ETV6: variants seen among roughly 807,000 people sequenced by gnomAD.
ETV6 encodes the protein ETS variant transcription factor 6.
ETV6 carries 16 observed loss-of-function variants against 51.1 expected under a neutral mutation model. That is an observed-to-expected ratio of 0.31 (90% CI 0.21 to 0.48). The LOEUF is 0.48. ETV6 is among the 20% of genes least tolerant of loss of function. The pLI is 0.99. For synonymous variants in ETV6, 240 were observed against 224.1 expected (o/e 1.07, Z -0.64); for missense variants, 458 against 594.8 (o/e 0.77, Z 2.39).
At chr12:11,674,291 G>A (rs567202200) in intron 1 of ETV6, among the ~76,000 whole-genome samples, 8 of 152,192 alleles carry the variant, frequency 5.3e-5, no homozygotes, top group Admixed American at 3.9e-4. Context: ...TGTGGAGGAA[G>A]AGGGAAAGCA....
intron 3 of ETV6, among the ~76,000 whole-genome samples, chr12:11,846,589 ACCAT>A (rs894785535): frequency 2.6e-5 from 4 of 152,170 alleles, no homozygotes; most frequent in Non-Finnish European, 5.9e-5. Context: ...GCCGAAGGAA[ACCAT>A]CCAAGAGTGG....
chr12:11,813,879 A>G (rs946775092), intron 2 of ETV6, among the ~76,000 whole-genome samples: 2 of 152,250 alleles, frequency 1.3e-5, no homozygotes, highest in Non-Finnish European at 2.9e-5. Flanking sequence ...ACAATGAAGT[A>G]CACATGCAAA....
At chr12:11,695,261 A>G (rs1438522981) in intron 1 of ETV6, among the ~76,000 whole-genome samples, 1 of 152,226 alleles carries the variant, frequency 6.6e-6, no homozygotes, top group Non-Finnish European at 1.5e-5. Flanking sequence ...AGAGTTAAAT[A>G]AGAAAGTCAG....
Position 11,880,466 on chromosome 12 carries a change from G to A in ETV6, c.1010-3979G>A, listed in dbSNP as rs149174175. Among the ~76,000 whole-genome samples, 402 of 152,144 alleles carry A rather than the reference G, an allele frequency of 2.6e-3. 3 individuals are homozygous for A. The highest frequency in any genetic ancestry group is 7.1e-3 in the African/African-American group (296 of 41,440). ...TTCTAGGTCCTAGTTTGATGCCTCC[G>A]AAAAACCAACATGGCAGCCCAGTGC... On this transcript the variant is annotated intron_variant, in intron 5 of 7. Coordinates refer to ENST00000396373, the MANE Select transcript of ETV6 (RefSeq NM_001987.5).
At chr12:11,717,189 T>C (rs1442044771) in intron 1 of ETV6, among the ~76,000 whole-genome samples, 2 of 152,192 alleles carry the variant, frequency 1.3e-5, no homozygotes, top group African/African-American at 4.8e-5. Context: ...CTCAGTTCCA[T>C]TTTCTTCCTT....
chr12:11,845,092 G>A (rs1389314059), intron 3 of ETV6, among the ~76,000 whole-genome samples: 1 of 152,190 alleles, frequency 6.6e-6, no homozygotes, highest in East Asian at 1.9e-4. Context: ...GCCTCCCAAA[G>A]TGCTAGGATT....
chr12:11,729,884 G>A (rs1865560941), intron 1 of ETV6, among the ~76,000 whole-genome samples: 1 of 152,202 alleles, frequency 6.6e-6, no homozygotes, highest in Admixed American at 6.5e-5. Flanking sequence ...GGTTAAAGCA[G>A]GTAGACCAGC....
At chr12:11,849,972 A>C (rs1946524963) in intron 3 of ETV6, among the ~76,000 whole-genome samples, 1 of 152,258 alleles carries the variant, frequency 6.6e-6, no homozygotes, top group Admixed American at 6.5e-5. Flanking sequence ...CGGAGCCCCT[A>C]GTTGCTGAGG....
chr12:11,885,135 A>G (rs1349310705), intron 6 of ETV6, among the ~76,000 whole-genome samples: 10 of 152,242 alleles, frequency 6.6e-5, no homozygotes, highest in South Asian at 4.1e-4. Flanking sequence ...AGTAAGGAAG[A>G]CTGCTCAAGT....
intron 5 of ETV6, among the ~76,000 whole-genome samples, chr12:11,883,741 C>A (rs1159237130): frequency 6.6e-6 from 1 of 152,222 alleles, no homozygotes; most frequent in African/African-American, 2.4e-5. Flanking sequence ...GAGAAAGTGA[C>A]TTTTGCACTG....
intron 1 of ETV6, among the ~76,000 whole-genome samples, chr12:11,660,509 G>A (rs1193453551): frequency 7.0e-6 from 1 of 143,214 alleles, no homozygotes; most frequent in South Asian, 2.3e-4. Flanking sequence ...TGAGGCAGGA[G>A]AATCTCTTGA....
At chr12:11,668,756 A>G (rs530999945) in intron 1 of ETV6, among the ~76,000 whole-genome samples, 5 of 152,306 alleles carry the variant, frequency 3.3e-5, no homozygotes, top group Admixed American at 1.3e-4. Flanking sequence ...GTGGCTTCCT[A>G]TTGCACAATT....
chr12:11,874,609 C>T (rs1275282362), intron 5 of ETV6, among the ~76,000 whole-genome samples: 1 of 4,424 alleles, frequency 2.3e-4, no homozygotes, highest in African/African-American at 2.9e-4. Context: ...TGTGTATGTG[C>T]GTGTGTACAC....
chr12:11,682,435 T>TAGAAA (rs1374079636), intron 1 of ETV6, among the ~76,000 whole-genome samples: 3 of 152,204 alleles, frequency 2.0e-5, no homozygotes, highest in African/African-American at 7.2e-5. Context: ...GTAAATTTGT[T>TAGAAA]TTAAGTTCCT....
At chr12:11,824,155 G>A (rs938095608) in intron 2 of ETV6, among the ~76,000 whole-genome samples, 5 of 152,322 alleles carry the variant, frequency 3.3e-5, no homozygotes, top group Non-Finnish European at 7.3e-5. Context: ...CAGCAGCAGT[G>A]TAACTCTCAG....
intron 1 of ETV6, among the ~76,000 whole-genome samples, chr12:11,722,604 T>C (rs761693084): frequency 2.6e-5 from 4 of 152,226 alleles, no homozygotes; most frequent in Non-Finnish European, 4.4e-5. Flanking sequence ...TCCTAGGCTT[T>C]CTACGTCAAA....
chr12:11,777,515 C>T (rs943009365), intron 2 of ETV6, among the ~76,000 whole-genome samples: 4 of 151,718 alleles, frequency 2.6e-5, no homozygotes, highest in African/African-American at 9.7e-5. Flanking sequence ...TAGTGGGTCA[C>T]TTCTGTACCC....
intron 1 of ETV6, among the ~76,000 whole-genome samples, chr12:11,653,005 C>T (rs1275651602): frequency 6.6e-6 from 1 of 152,140 alleles, no homozygotes; most frequent in African/African-American, 2.4e-5. Context: ...TATTGTTTCT[C>T]TACACGCGAC....
In ETV6 at chr12:11,869,704, C is replaced by T. The variant is rs767961399; in HGVS notation, c.744C>T (p.Ser248=). The stretch of plus-strand genomic sequence containing the variant: ...TGGAGAATAATCACTGCCCAGCGTC[C>T]TCCGAGTCCCACCCGAAGCCATCCA... The part of the protein sequence containing the change: ...SPMENNHCPA[S]SESHPKPSSP... The change falls in exon 5 of 8, where the codon TCC becomes TCT. Residue 248 remains serine, a synonymous_variant. Coordinates refer to ENST00000396373, the MANE Select transcript of ETV6 (RefSeq NM_001987.5). The surrounding 1 kb of genome is among the most constrained non-coding windows in gnomAD (Gnocchi z 5.0). The T allele has an allele frequency of 1.1e-5, 17 of 1,614,012 alleles. No individual in the cohort carries two copies. The highest frequency in any genetic ancestry group is 1.4e-5 in the Non-Finnish European group (16 of 1,180,050).
Sources: allele counts gnomAD v4.1 joint callset (sites outside exome capture counted in the v4.1 genomes callset), GRCh38; gene constraint gnomAD v4.1.1; non-coding constraint Gnocchi (gnomAD v3.1); transcripts MANE v1.5; gene names NCBI Gene and HGNC (gene_info 2026-07-23, HGNC 2026-07-21).